RNF212B: variants seen among roughly 807,000 people sequenced by gnomAD.
The protein encoded by RNF212B is E3 ubiquitin-protein ligase RNF212B.
In RNF212B, 52 loss-of-function variants were observed where a neutral mutation model predicts 55.5. The observed-to-expected ratio is 0.94, with a 90% CI of 0.75 to 1.18. The LOEUF (loss-of-function observed/expected upper bound fraction) is 1.18. Ranked by LOEUF, RNF212B falls within the 50% of genes most tolerant of loss-of-function variation. RNF212B has a pLI of 0.00. For missense variants in RNF212B, 289 were observed against 350.4 expected (o/e 0.82, Z 1.40); for synonymous variants, 99 against 121.4 (o/e 0.82, Z 1.21).
intron 13 of RNF212B, 65 bp from the exon 14 acceptor site, chr14:23,270,535 A>C: frequency 2.6e-6 from 3 of 1,158,870 alleles, no homozygotes; most frequent in Non-Finnish European, 3.8e-6. Flanking sequence ...ACCCTGACCC[A>C]CAAGTAACAC....
intron 2 of RNF212B, among the ~76,000 whole-genome samples, chr14:23,200,537 G>A (rs1879192184): frequency 6.6e-6 from 1 of 152,086 alleles, no homozygotes; most frequent in Non-Finnish European, 1.5e-5. Flanking sequence ...TGTTGGCCAG[G>A]CTGGTCTCGA....
At chr14:23,203,065 T>C (rs542471573) in intron 2 of RNF212B, among the ~76,000 whole-genome samples, 1 of 152,142 alleles carries the variant, frequency 6.6e-6, no homozygotes, top group Non-Finnish European at 1.5e-5. Context: ...TGTGAGATTT[T>C]GGTGTACCCA....
At chr14:23,220,399 G>A (rs1881459200) in intron 2 of RNF212B, among the ~76,000 whole-genome samples, 1 of 152,032 alleles carries the variant, frequency 6.6e-6, no homozygotes, top group Non-Finnish European at 1.5e-5. Context: ...GGGTCTGGTG[G>A]TGCACACCTG....
intron 2 of RNF212B, among the ~76,000 whole-genome samples, chr14:23,200,475 G>T (rs1051309597): frequency 5.3e-5 from 8 of 152,050 alleles, no homozygotes; most frequent in South Asian, 2.1e-4. Context: ...ACAGGTGCGT[G>T]CCACTGTGTC....
chr14:23,232,705 G>C (rs551831571), intron 2 of RNF212B, among the ~76,000 whole-genome samples: 34 of 138,186 alleles, frequency 2.5e-4, no homozygotes, highest in South Asian at 2.3e-3. Flanking sequence ...GTCAGCCCCC[G>C]CCCGGCCAGC....
At chr14:23,227,260 G>A (rs1882119456) in intron 2 of RNF212B, among the ~76,000 whole-genome samples, 1 of 150,894 alleles carries the variant, frequency 6.6e-6, no homozygotes, top group East Asian at 1.9e-4. Flanking sequence ...AACTTTATTC[G>A]TTGATCAGGG....
At chr14:23,192,819 C>T (rs561628887) in intron 1 of RNF212B, among the ~76,000 whole-genome samples, 239 of 152,068 alleles carry the variant, frequency 1.6e-3, no homozygotes, top group African/African-American at 5.3e-3. Context: ...TGGCCAGGTG[C>T]GGTGGCTCAT....
At position 23,240,297 on chromosome 14, in the gene RNF212B, T is replaced by G. The variant is rs1479319911; in HGVS notation, c.-1-48T>G. The G allele has an allele frequency of 8.7e-6, 11 of 1,271,036 alleles. No individual in the cohort carries two copies. The East Asian group carries it at 2.8e-4, about 32-fold the overall frequency. The allele number at this position is 1,271,036 out of a possible 1,614,324, so 78.7% of individuals were successfully genotyped here. A position where few individuals can be genotyped will look rare whatever the true frequency, so the allele number is the denominator to read the frequency against. On this transcript the variant is annotated intron_variant, in intron 1 of 14. Coordinates refer to ENST00000430154, the MANE Select transcript of RNF212B (RefSeq NM_001282322.3). ...ACATAGATTTTGGAACAGCTATAAT[T>G]ATGTTATTCTCTAGGTTATTCTTAC...
chr14:23,233,890 A>G (rs1486190812), upstream of RNF212B, among the ~76,000 whole-genome samples: 2 of 152,152 alleles, frequency 1.3e-5, no homozygotes, highest in Non-Finnish European at 2.9e-5. Flanking sequence ...TGAGGTCAGG[A>G]GTTCGAGACC....
chr14:23,203,561 C>A (rs12887796), intron 2 of RNF212B, among the ~76,000 whole-genome samples: 1 of 148,830 alleles, frequency 6.7e-6, no homozygotes, highest in African/African-American at 2.5e-5. Context: ...TCACTGCAAT[C>A]TCCACCTTCC....
intron 4 of RNF212B, among the ~76,000 whole-genome samples, chr14:23,257,093 C>T (rs973177882): frequency 8.6e-5 from 13 of 152,018 alleles, no homozygotes; most frequent in African/African-American, 2.7e-4. Context: ...GCGGAGGTTG[C>T]AGTGAGCTGA....
rs553439862 is a variant in RNF212B at position 23,217,258 on chromosome 14, G to T, written c.-1-23087G>T. Among the ~76,000 whole-genome samples the T allele has an allele frequency of 4.1e-3, 570 of 138,084 alleles. 9 individuals carry two copies. The highest frequency in any genetic ancestry group is 0.013 in the African/African-American group (488 of 38,300). The allele number at this position is 138,084 out of a possible 152,430, so 90.6% of individuals were successfully genotyped here. A position where few individuals can be genotyped will look rare whatever the true frequency, so the allele number is the denominator to read the frequency against. ...GTGGTGGCAGTGGTGGCAGTGGTGG[G>T]GGGGGGGCTCCTCTGCCTGTGGAAA... is the stretch of plus-strand genomic sequence containing the variant. On this transcript the variant is annotated intron_variant, in intron 2 of 15. Transcript: ENST00000399910.
chr14:23,246,628 A>G (rs185703879), intron 4 of RNF212B, among the ~76,000 whole-genome samples: 139 of 152,316 alleles, frequency 9.1e-4, no homozygotes, highest in Non-Finnish European at 1.6e-3. Flanking sequence ...CAGTCTTGCT[A>G]TATTGCCCAG....
chr14:23,253,086 G>C (rs1285357574), intron 4 of RNF212B, among the ~76,000 whole-genome samples: 2 of 151,992 alleles, frequency 1.3e-5, no homozygotes, highest in Admixed American at 6.6e-5. Context: ...CCCCCACCCA[G>C]ATTATTTTAA....
At chr14:23,233,562 C>CAAAAAAAA (rs35654046), upstream of RNF212B, among the ~76,000 whole-genome samples, 121 of 58,154 alleles carry the variant, frequency 2.1e-3, no homozygotes, top group South Asian at 3.0e-3. Context: ...CCCATCTCTA[C>CAAAAAAAA]AAAAAAAAAA....
chr14:23,267,135 GT>G (rs1215951638), intron 11 of RNF212B, among the ~76,000 whole-genome samples: 4 of 151,502 alleles, frequency 2.6e-5, no homozygotes, highest in Non-Finnish European at 4.4e-5. Flanking sequence ...CGCCTGGCTA[GT>G]TTTTTTATTT....
intron 7 of RNF212B, chr14:23,261,218 A>T: frequency 3.2e-6 from 1 of 309,758 alleles, no homozygotes. Context: ...AGAAAGGTAA[A>T]AACACCTTCA....
rs981609164 is a variant in RNF212B at position 23,262,888 on chromosome 14, T to C, written c.482-40T>C. 32 of 1,547,558 alleles carry C rather than the reference T, an allele frequency of 2.1e-5. No homozygotes were observed. In the African/African-American group the frequency reaches 2.9e-4, roughly 14 times the overall value. On this transcript the variant is annotated intron_variant, in intron 8 of 14. Transcript: ENST00000430154. ...TTGGCCAGGCAAGGCAGGCATACCA[T>C]TGATGGCAACTTTTTATTCTGTACT...
chr14:23,238,796 C>A, intron 1 of RNF212B, among the ~76,000 whole-genome samples: 1 of 148,196 alleles, frequency 6.7e-6, no homozygotes, highest in Non-Finnish European at 1.5e-5. Context: ...ACAAAGAAAC[C>A]TTACAAAGTC....
Sources: allele counts gnomAD v4.1 joint callset (sites outside exome capture counted in the v4.1 genomes callset), GRCh38; gene constraint gnomAD v4.1.1; transcripts MANE v1.5; gene names NCBI Gene and HGNC (gene_info 2026-07-23, HGNC 2026-07-21).